Variants in ZNF148 observed in about 807,000 individuals in gnomAD.
ZNF148 encodes Beta-Enolase Repressor Factor-1.
A neutral mutation model predicts 67.7 loss-of-function variants in ZNF148; 7 were observed. That is an observed-to-expected ratio of 0.10 (90% CI 0.06 to 0.19). ZNF148 has a LOEUF of 0.19. Ranked by LOEUF, ZNF148 falls within the 10% of genes least tolerant of loss-of-function variation. The probability of loss-of-function intolerance (pLI) is 1.00; values close to 1 mark genes in which losing one functional copy is unlikely to be tolerated. For synonymous variants in ZNF148, 333 were observed against 330.7 expected (o/e 1.01, Z -0.08); for missense variants, 583 against 947.1 (o/e 0.62, Z 5.05).
chr3:125,278,807 T>C (rs939478294), intron 6 of ZNF148, among the ~76,000 whole-genome samples: 9 of 152,188 alleles, frequency 5.9e-5, no homozygotes, highest in African/African-American at 2.2e-4. Flanking sequence ...CCTGGACATT[T>C]TGCACACACA....
At chr3:125,371,882 G>A (rs1329788430) in intron 1 of ZNF148, among the ~76,000 whole-genome samples, 1 of 151,638 alleles carries the variant, frequency 6.6e-6, no homozygotes, top group Non-Finnish European at 1.5e-5. Context: ...GGCTAACACG[G>A]TGAAACCCCG....
intron 7 of ZNF148, among the ~76,000 whole-genome samples, chr3:125,258,422 C>CAA (rs34739205): frequency 0.2 from 11,310 of 56,184 alleles, 1,680 homozygotes; most frequent in Middle Eastern, 0.28. Context: ...GACTCCATCT[C>CAA]AAAAAAAAAA....
chr3:125,270,806 G>A (rs1306205227), intron 7 of ZNF148, among the ~76,000 whole-genome samples: 1 of 152,142 alleles, frequency 6.6e-6, no homozygotes, highest in Admixed American at 6.5e-5. Flanking sequence ...AGCCCAGGAG[G>A]TGGAGGCTGC....
At chr3:125,248,362 A>G (rs1215889048) in intron 7 of ZNF148, among the ~76,000 whole-genome samples, 1 of 152,206 alleles carries the variant, frequency 6.6e-6, no homozygotes, top group Non-Finnish European at 1.5e-5. Flanking sequence ...CTATAATAAG[A>G]GCTCAGCAGT....
intron 1 of ZNF148, among the ~76,000 whole-genome samples, chr3:125,343,045 G>A (rs545006147): frequency 5.3e-5 from 8 of 152,100 alleles, no homozygotes; most frequent in Non-Finnish European, 1.0e-4. Context: ...AAACATTCAC[G>A]CACTACCAGA....
intron 1 of ZNF148, among the ~76,000 whole-genome samples, chr3:125,340,958 A>G (rs1198077782): frequency 7.1e-6 from 1 of 141,656 alleles, no homozygotes; most frequent in Non-Finnish European, 1.5e-5. Flanking sequence ...ACTGCACTCC[A>G]GCCTGGGCGA....
chr3:125,361,207 T>C (rs1261234825), intron 1 of ZNF148, among the ~76,000 whole-genome samples: 2 of 152,074 alleles, frequency 1.3e-5, no homozygotes, highest in Non-Finnish European at 2.9e-5. Context: ...TGACTAGCTA[T>C]ATCATTCTCC....
Position 125,232,711 on chromosome 3 carries a change from T to C in ZNF148, c.2015A>G (p.Asp672Gly), listed in dbSNP as rs1434795576. Residue 672 changes from aspartate to glycine, a missense_variant, in exon 9 of 9, where the codon GAT (aspartate) becomes GGT (glycine). This residue lies in a region of ZNF148 where 158 missense variants were observed against 208.4 expected (regional missense o/e 0.76). Coordinates refer to ENST00000360647, the MANE Select transcript of ZNF148 (RefSeq NM_021964.3). The surrounding 1 kb of genome is among the most constrained non-coding windows in gnomAD (Gnocchi z 4.2). The part of the protein sequence containing the change: ...GMNSPLRTTP[D>G]KSHFGLIVGD... Reference sequence around the variant, plus strand: ...AACTATTAGTCCAAAGTGGGACTTATCTGGAGTTGTTCTTAGTGGAGAATT... The same window carrying C: ...AACTATTAGTCCAAAGTGGGACTTACCTGGAGTTGTTCTTAGTGGAGAATT... The C allele has an allele frequency of 6.2e-7, 1 of 1,613,898 alleles. No homozygotes were observed. Among genetic ancestry groups the C allele is most frequent in the Non-Finnish European group, 8.5e-7 (1 of 1,179,824 alleles).
At chr3:125,260,470 G>A (rs560441146) in intron 7 of ZNF148, among the ~76,000 whole-genome samples, 2 of 152,268 alleles carry the variant, frequency 1.3e-5, no homozygotes, top group African/African-American at 4.8e-5. Flanking sequence ...CAACACAGAT[G>A]ACTTTCAAAT....
chr3:125,300,178 G>C (rs1362107928), intron 4 of ZNF148, among the ~76,000 whole-genome samples: 1 of 152,080 alleles, frequency 6.6e-6, no homozygotes, highest in Non-Finnish European at 1.5e-5. Context: ...CACCATGTTG[G>C]CCAGGCTGGA....
Position 125,233,957 on chromosome 3 carries a change from T to C in ZNF148, c.787-18A>G, listed in dbSNP as rs1249212407. Reference sequence around the variant, plus strand: ...GAAAAATACTGTTGAATTCAGAGGATGGTAGTGGGTTGTTTGTGGTTTTGG... The same window carrying C: ...GAAAAATACTGTTGAATTCAGAGGACGGTAGTGGGTTGTTTGTGGTTTTGG... On this transcript the variant is annotated intron_variant, in intron 8 of 8. Coordinates refer to ENST00000360647, the MANE Select transcript of ZNF148 (RefSeq NM_021964.3). The surrounding 1 kb of genome is among the most constrained non-coding windows in gnomAD (Gnocchi z 5.1). The C allele has an allele frequency of 1.3e-6, 2 of 1,555,310 alleles. No individual in the cohort carries two copies. Among genetic ancestry groups the C allele is most frequent in the South Asian group, 2.5e-5 (2 of 80,426 alleles).
At chr3:125,251,622 T>C (rs548192698) in intron 7 of ZNF148, among the ~76,000 whole-genome samples, 6 of 152,330 alleles carry the variant, frequency 3.9e-5, no homozygotes, top group African/African-American at 1.4e-4. Flanking sequence ...TTTTAGTCAA[T>C]GTTATGCTTG....
At chr3:125,308,936 G>A (rs1319941848) in intron 4 of ZNF148, among the ~76,000 whole-genome samples, 1 of 152,176 alleles carries the variant, frequency 6.6e-6, no homozygotes, top group Non-Finnish European at 1.5e-5. Context: ...ATGAACTGTT[G>A]ATACATTCAA....
intron 4 of ZNF148, among the ~76,000 whole-genome samples, chr3:125,303,006 T>C (rs1579748858): frequency 6.6e-6 from 1 of 152,220 alleles, no homozygotes; most frequent in Admixed American, 6.5e-5. Context: ...ACATTGGTGC[T>C]ATGCAACACT....
At position 125,230,629 on chromosome 3, in the gene ZNF148, A is replaced by G. The variant is rs114482952; in HGVS notation, c.*1712T>C. ...TTTATGAGAACAGTCTTGGGATAACATTAAATAAAAGAAAAAATAATTTAA... is the reference window on the plus strand; with the variant it reads ...TTTATGAGAACAGTCTTGGGATAACGTTAAATAAAAGAAAAAATAATTTAA... On this transcript the variant is annotated 3_prime_UTR_variant, in exon 9 of 9. Coordinates refer to ENST00000360647, the MANE Select transcript of ZNF148 (RefSeq NM_021964.3). 839 of 152,624 alleles carry G rather than the reference A, an allele frequency of 5.5e-3. 6 individuals are homozygous for G. The highest frequency in any genetic ancestry group is 0.019 in the African/African-American group (792 of 41,538). 9.5% of individuals were successfully genotyped at this position (152,624 alleles called of 1,614,324 possible).
At chr3:125,344,304 T>C in intron 1 of ZNF148, 2 of 491,752 alleles carry the variant, frequency 4.1e-6, no homozygotes, top group Non-Finnish European at 7.5e-6. Flanking sequence ...CCCCATGACC[T>C]AGTGACCTGA....
intron 7 of ZNF148, among the ~76,000 whole-genome samples, chr3:125,256,912 C>T (rs1937107218): frequency 6.8e-6 from 1 of 147,352 alleles, no homozygotes; most frequent in South Asian, 2.1e-4. Flanking sequence ...TTCCATTAAA[C>T]TTATGTGCAA....
chr3:125,247,378 T>C (rs898334353), intron 7 of ZNF148, among the ~76,000 whole-genome samples: 2 of 152,186 alleles, frequency 1.3e-5, no homozygotes, highest in African/African-American at 4.8e-5. Context: ...TTATATACAC[T>C]GTAATATTTA....
intron 5 of ZNF148, among the ~76,000 whole-genome samples, chr3:125,286,115 T>C (rs1455049): frequency 0.79 from 120,077 of 152,074 alleles, 48,225 homozygotes; most frequent in African/African-American, 0.92. Context: ...CTATCACAAA[T>C]GATTTTAGAA....
Sources: gnomAD v4.1 joint callset for allele counts (sites outside exome capture counted in the v4.1 genomes callset) on GRCh38, gnomAD v4.1.1 for gene constraint, gnomAD v4.1.1 regional missense constraint, Gnocchi (gnomAD v3.1) non-coding constraint, MANE v1.5 for transcripts, NCBI Gene and HGNC (gene_info 2026-07-23, HGNC 2026-07-21) for gene names.